Variants in CTNNA2 observed in about 807,000 individuals in gnomAD.
The protein encoded by CTNNA2 is catenin alpha-2.
A neutral mutation model predicts 101.0 loss-of-function variants in CTNNA2; 42 were observed. The ratio of observed to expected loss-of-function variants is 0.42; its 90% confidence interval spans 0.32 to 0.54. The LOEUF is 0.54. CTNNA2 is among the 20% of genes least tolerant of loss of function. CTNNA2 has a pLI of 0.14. For synonymous variants in CTNNA2, 450 were observed against 456.4 expected, an observed-to-expected ratio of 0.99 and a Z score of 0.18; for missense variants, 871 against 1,223.1, an observed-to-expected ratio of 0.71 and a Z score of 4.29.
At chr2:80,552,186 C>T (rs558825470) in intron 11 of CTNNA2, among the ~76,000 whole-genome samples, 69 of 152,042 alleles carry the variant, frequency 4.5e-4, no homozygotes, top group African/African-American at 1.6e-3. Context: ...ATCATCAAAA[C>T]GATAATGAAA....
intron 9 of CTNNA2, among the ~76,000 whole-genome samples, chr2:80,431,430 G>A (rs928633330): frequency 6.6e-6 from 1 of 152,054 alleles, no homozygotes; most frequent in Non-Finnish European, 1.5e-5. Flanking sequence ...CACTATTTAG[G>A]TGCCGCCTAT....
chr2:80,304,064 T>C, intron 7 of CTNNA2: 1 of 426,640 alleles, frequency 2.3e-6, no homozygotes, highest in Non-Finnish European at 4.1e-6. Flanking sequence ...GAGATGGTGA[T>C]TTGGTCCATG....
At chr2:80,340,940 G>A (rs948511289) in intron 7 of CTNNA2, among the ~76,000 whole-genome samples, 1 of 152,056 alleles carries the variant, frequency 6.6e-6, no homozygotes, top group Admixed American at 6.6e-5. Flanking sequence ...AATTAGCTAG[G>A]AAGGCTCATA....
At chr2:80,096,259 A>G (rs1264536265) in intron 7 of CTNNA2, among the ~76,000 whole-genome samples, 1 of 152,070 alleles carries the variant, frequency 6.6e-6, no homozygotes, top group African/African-American at 2.4e-5. Context: ...ATTTTGTTAC[A>G]TACTCAGTAG....
chr2:80,138,165 C>A (rs145036047), intron 7 of CTNNA2, among the ~76,000 whole-genome samples: 10 of 152,222 alleles, frequency 6.6e-5, no homozygotes, highest in African/African-American at 2.4e-4. Flanking sequence ...AATCAATTCA[C>A]CCCAGTGTCA....
chr2:79,186,161 T>C (rs1018823577), intron 1 of CTNNA2, among the ~76,000 whole-genome samples: 8 of 152,192 alleles, frequency 5.3e-5, no homozygotes, highest in Non-Finnish European at 8.8e-5. Context: ...TGGGTTGAGG[T>C]ATCTGCTTAA....
At chr2:80,045,882 A>C (rs1244487035) in intron 7 of CTNNA2, among the ~76,000 whole-genome samples, 1 of 152,038 alleles carries the variant, frequency 6.6e-6, no homozygotes, top group Non-Finnish European at 1.5e-5. Flanking sequence ...TTTTCAGTTT[A>C]ATCAACCTCG....
At chr2:79,389,305 C>A (rs1258163452) in intron 4 of CTNNA2, among the ~76,000 whole-genome samples, 9 of 152,114 alleles carry the variant, frequency 5.9e-5, no homozygotes, top group Admixed American at 5.9e-4. Context: ...TTTGATTGAT[C>A]TAGGGCTGTT....
At chr2:79,994,719 C>G (rs963272774) in intron 7 of CTNNA2, among the ~76,000 whole-genome samples, 1 of 151,880 alleles carries the variant, frequency 6.6e-6, no homozygotes, top group Non-Finnish European at 1.5e-5. Context: ...AAAAAAAAAG[C>G]TTTTGGTACA....
intron 3 of CTNNA2, among the ~76,000 whole-genome samples, chr2:79,777,420 T>G (rs1674062193): frequency 6.6e-6 from 1 of 151,550 alleles, no homozygotes; most frequent in South Asian, 2.1e-4. Flanking sequence ...ACATTATGAC[T>G]AAGGTACTCT....
intron 1 of CTNNA2, among the ~76,000 whole-genome samples, chr2:79,551,177 G>A (rs1674077170): frequency 6.6e-6 from 1 of 152,062 alleles, no homozygotes; most frequent in South Asian, 2.1e-4. Flanking sequence ...ATTTTGCCAA[G>A]GTTGAAGATA....
At position 80,333,201 on chromosome 2, in the gene CTNNA2, TA is replaced by T. The variant is rs1183408150; in HGVS notation, c.1057-60007del. ...CTCAGAGTAACTAGGAATTAGTTAC[TA>T]AAGGCTGTCACCTTTCCACCGGTCT... is the stretch of plus-strand genomic sequence containing the variant. On this transcript the variant is annotated intron_variant, in intron 7 of 18. Transcript: ENST00000402739. Among the ~76,000 whole-genome samples, 5 of 152,188 alleles carry T rather than the reference TA, an allele frequency of 3.3e-5. No homozygotes were observed. In the East Asian group the frequency reaches 9.7e-4, roughly 29 times the overall value.
chr2:79,906,644 T>C (rs936649527), intron 6 of CTNNA2, among the ~76,000 whole-genome samples: 3 of 152,200 alleles, frequency 2.0e-5, no homozygotes, highest in Non-Finnish European at 4.4e-5. Flanking sequence ...AGGCTTTTAC[T>C]TTCACAACAG....
intron 8 of CTNNA2, among the ~76,000 whole-genome samples, chr2:80,403,679 A>G (rs1365403134): frequency 6.6e-6 from 1 of 152,204 alleles, no homozygotes; most frequent in East Asian, 1.9e-4. Flanking sequence ...TGTGCCCAGA[A>G]CAGGCATTTT....
intron 1 of CTNNA2, among the ~76,000 whole-genome samples, chr2:79,594,436 A>G (rs919309027): frequency 2.0e-5 from 3 of 152,232 alleles, no homozygotes; most frequent in Non-Finnish European, 4.4e-5. Flanking sequence ...GGAAAATAAT[A>G]ATGGCTCCTA....
intron 4 of CTNNA2, among the ~76,000 whole-genome samples, chr2:79,388,220 T>C (rs1033034138): frequency 1.3e-5 from 2 of 152,208 alleles, no homozygotes; most frequent in Admixed American, 1.3e-4. Flanking sequence ...ATCCAGCATA[T>C]GTTGGAGAGG....
At chr2:79,196,691 T>G (rs1673965657) in intron 1 of CTNNA2, among the ~76,000 whole-genome samples, 1 of 152,216 alleles carries the variant, frequency 6.6e-6, no homozygotes, top group African/African-American at 2.4e-5. Flanking sequence ...CTCTAAAATA[T>G]TTCAAAATGT....
At chr2:79,201,368 G>A (rs1335041689) in intron 2 of CTNNA2, among the ~76,000 whole-genome samples, 1 of 152,126 alleles carries the variant, frequency 6.6e-6, no homozygotes. Context: ...CCCCAATTCA[G>A]CTACTTACCT....
intron 2 of CTNNA2, among the ~76,000 whole-genome samples, chr2:79,671,782 T>C (rs1682856092): frequency 6.6e-6 from 1 of 152,228 alleles, no homozygotes; most frequent in Non-Finnish European, 1.5e-5. Context: ...CACCAAGTTT[T>C]TGAGATCTTG....
Sources: allele counts gnomAD v4.1 joint callset (sites outside exome capture counted in the v4.1 genomes callset), GRCh38; gene constraint gnomAD v4.1.1; transcripts MANE v1.5; gene names NCBI Gene and HGNC (gene_info 2026-07-23, HGNC 2026-07-21).